The following FMNL2 variants were observed in gnomAD, a reference collection of about 807,000 sequenced individuals.
FMNL2 encodes formin like 2, also known as formin-like protein 2.
A neutral mutation model predicts 130.2 loss-of-function variants in FMNL2; 51 were observed. The observed-to-expected ratio is 0.39, with a 90% CI of 0.31 to 0.49. The LOEUF (loss-of-function observed/expected upper bound fraction) is 0.49, where lower values mean the gene tolerates loss of function less well. FMNL2 is among the 20% of genes least tolerant of loss of function. FMNL2 has a pLI of 0.85. For synonymous variants in FMNL2, 465 were observed against 467.1 expected, an observed-to-expected ratio of 1.00 and a Z score of 0.06; for missense variants, 977 against 1,316.2, an observed-to-expected ratio of 0.74 and a Z score of 3.99.
chr2:152,439,115 G>GTGTGTGTGT (rs1558864449), intron 1 of FMNL2, among the ~76,000 whole-genome samples: 5 of 144,436 alleles, frequency 3.5e-5, no homozygotes, highest in African/African-American at 7.5e-5. Flanking sequence ...GTGTGTGTGT[G>GTGTGTGTGT]GCAATAGCTA....
At chr2:152,618,742 C>G (rs2105892900) in intron 13 of FMNL2, 104 bp from the exon 14 acceptor site, 1 of 1,001,620 alleles carries the variant, frequency 1.0e-6, no homozygotes, top group African/African-American at 1.7e-5. Context: ...AATTCCCATT[C>G]ATATGAGTAT....
chr2:152,411,522 C>T lies in FMNL2; in HGVS notation c.117+75802C>T, dbSNP rs112451171. On this transcript the variant is annotated intron_variant, in intron 1 of 25. Coordinates refer to ENST00000288670, the MANE Select transcript of FMNL2 (RefSeq NM_052905.4). ...ATGAAGTTGGTCCTAAAATCCACTC[C>T]TCCCATCTCCTTCCTAAGAGAAAGT... 4.1e-3 allele frequency among the ~76,000 whole-genome samples: 625 copies of T among 152,276 alleles called. 3 individuals are homozygous for T. The highest frequency in any genetic ancestry group is 0.027 in the Middle Eastern group (8 of 294).
intron 1 of FMNL2, among the ~76,000 whole-genome samples, chr2:152,407,423 A>G (rs1465020832): frequency 1.3e-5 from 2 of 150,928 alleles, no homozygotes; most frequent in African/African-American, 4.9e-5. Context: ...CTTTCTGCCG[A>G]CTCCTGACAG....
In FMNL2 at chr2:152,518,308, G is replaced by C. The variant is rs184403902; in HGVS notation, c.118-3635G>C. ...GTATGTCTGAGTAGCTCAGAGGCTT[G>C]GCTCATGGAAGGGGTTATTTTAGAT... On this transcript the variant is annotated intron_variant, in intron 1 of 25. Transcript: ENST00000288670. Among the ~76,000 whole-genome samples, 31 of 152,260 alleles carry C rather than the reference G, an allele frequency of 2.0e-4. No homozygotes were observed. In the East Asian group the frequency reaches 6.0e-3, roughly 29 times the overall value.
intron 1 of FMNL2, among the ~76,000 whole-genome samples, chr2:152,366,651 A>G (rs2105841184): frequency 6.6e-6 from 1 of 152,270 alleles, no homozygotes; most frequent in African/African-American, 2.4e-5. Context: ...GTAGCTTGAA[A>G]TGTAGTGTAC....
chr2:152,348,670 T>C (rs1346529661), intron 1 of FMNL2, among the ~76,000 whole-genome samples: 1 of 152,282 alleles, frequency 6.6e-6, no homozygotes. Context: ...CCTGACTCCT[T>C]GTGAATTAGC....
intron 1 of FMNL2, among the ~76,000 whole-genome samples, chr2:152,459,602 A>G (rs916318606): frequency 1.3e-5 from 2 of 152,212 alleles, no homozygotes; most frequent in African/African-American, 4.8e-5. Context: ...AAGGGAAGAC[A>G]TCTGTTTTCA....
intron 2 of FMNL2, among the ~76,000 whole-genome samples, chr2:152,536,630 A>T (rs1694007866): frequency 6.6e-6 from 1 of 152,210 alleles, no homozygotes; most frequent in South Asian, 2.1e-4. Flanking sequence ...ATCCCTGAGG[A>T]TGTTCAAGCA....
Position 152,552,268 on chromosome 2 carries a change from G to A in FMNL2, c.359+3171G>A, listed in dbSNP as rs551134575. 4.3e-4 allele frequency among the ~76,000 whole-genome samples: 65 copies of A among 152,256 alleles called. No homozygotes were observed. The South Asian group carries it at 5.2e-3, about 12-fold the overall frequency. ...TGCTTGTTGCAAATAATTACCTGCA[G>A]TATTCAACAGTATTATATATCTCTA... On this transcript the variant is annotated intron_variant, in intron 4 of 25. Coordinates refer to ENST00000288670, the MANE Select transcript of FMNL2 (RefSeq NM_052905.4).
chr2:152,644,114 G>A (rs755968741), intron 25 of FMNL2, among the ~76,000 whole-genome samples: 3 of 152,124 alleles, frequency 2.0e-5, no homozygotes, highest in Non-Finnish European at 2.9e-5. Context: ...CCAGCTACCC[G>A]GGAGGCTGAG....
At chr2:152,541,762 G>T (rs1386808019) in intron 2 of FMNL2, among the ~76,000 whole-genome samples, 1 of 152,000 alleles carries the variant, frequency 6.6e-6, no homozygotes, top group African/African-American at 2.4e-5. Flanking sequence ...ATGAAATCAG[G>T]TGTTCTTCTT....
At chr2:152,632,884 G>A (rs1559026788) in intron 21 of FMNL2, among the ~76,000 whole-genome samples, 1 of 152,060 alleles carries the variant, frequency 6.6e-6, no homozygotes, top group Non-Finnish European at 1.5e-5. Context: ...TTGTGATATC[G>A]AACCATAAGC....
intron 9 of FMNL2, among the ~76,000 whole-genome samples, chr2:152,581,542 G>A (rs1175266387): frequency 6.6e-6 from 1 of 152,194 alleles, no homozygotes; most frequent in Non-Finnish European, 1.5e-5. Flanking sequence ...GGTTGGAAAC[G>A]GAGACTGTCT....
intron 1 of FMNL2, among the ~76,000 whole-genome samples, chr2:152,372,846 T>C (rs977458069): frequency 6.6e-6 from 1 of 152,208 alleles, no homozygotes; most frequent in African/African-American, 2.4e-5. Flanking sequence ...TCTGTTTTGG[T>C]TGGCTGATAA....
rs779632156 is a variant in FMNL2 at position 152,636,517 on chromosome 2, C to T, written c.2771C>T (p.Thr924Met). Residue 924 changes from threonine to methionine, a missense_variant, in exon 22 of 26, where the codon ACG becomes ATG. Coordinates refer to ENST00000288670, the MANE Select transcript of FMNL2 (RefSeq NM_052905.4). ...KREYTMHDHNTLLKEFILNNE... is the reference protein window; with the variant it reads ...KREYTMHDHNMLLKEFILNNE... ...GAGTACACCATGCATGACCATAACA[C>T]GCTGCTGAAGGAGTTCATCCTCAAC... 13 of 1,603,012 alleles carry T rather than the reference C, an allele frequency of 8.1e-6. No homozygotes were observed. The East Asian group carries it at 2.0e-4, about 25-fold the overall frequency.
At chr2:152,573,238 T>C (rs536630363) in intron 6 of FMNL2, among the ~76,000 whole-genome samples, 34 of 152,358 alleles carry the variant, frequency 2.2e-4, no homozygotes, top group African/African-American at 7.9e-4. Flanking sequence ...AAACTAAGCC[T>C]TAATTCACCA....
chr2:152,643,572 G>A, intron 25 of FMNL2: 1 of 1,532,386 alleles, frequency 6.5e-7, no homozygotes, highest in East Asian at 2.5e-5. Flanking sequence ...GATGTCTTAT[G>A]TCCCCCTCTG....
Position 152,649,032 on chromosome 2 carries a change from G to A in FMNL2, c.*1127G>A, listed in dbSNP as rs1183388801. 1 of 152,554 alleles carries A rather than the reference G, an allele frequency of 6.6e-6. No individual in the cohort carries two copies. Among genetic ancestry groups the A allele is most frequent in the African/African-American group, 2.4e-5 (1 of 41,408 alleles). The allele number at this position is 152,554 out of a possible 1,614,324, so 9.5% of individuals were successfully genotyped here. On this transcript the variant is annotated 3_prime_UTR_variant, in exon 26 of 26. Transcript: ENST00000288670. Reference sequence around the variant, plus strand: ...TGATCCATTCCAAAGTCAAAAACTGGACTGAAGCTAAATTTGTACTTTTCA... The same window carrying A: ...TGATCCATTCCAAAGTCAAAAACTGAACTGAAGCTAAATTTGTACTTTTCA...
intron 11 of FMNL2, among the ~76,000 whole-genome samples, chr2:152,613,783 A>G (rs1698807083): frequency 6.6e-6 from 1 of 152,260 alleles, no homozygotes; most frequent in Non-Finnish European, 1.5e-5. Context: ...GTTGATTGGC[A>G]TCATCCATGC....
Sources: allele counts gnomAD v4.1 joint callset (sites outside exome capture counted in the v4.1 genomes callset), GRCh38; gene constraint gnomAD v4.1.1; transcripts MANE v1.5; gene names NCBI Gene and HGNC (gene_info 2026-07-23, HGNC 2026-07-21).